Variants in CNTNAP4 observed in about 807,000 individuals in gnomAD.
The protein encoded by CNTNAP4 is contactin-associated protein-like 4.
Under a neutral mutation model 148.4 loss-of-function variants are expected in CNTNAP4, and 98 were observed. The observed-to-expected ratio is 0.66, with a 90% CI of 0.56 to 0.78. The LOEUF (loss-of-function observed/expected upper bound fraction) is 0.78. CNTNAP4 is among the 30% of genes least tolerant of loss of function. The pLI, the probability that CNTNAP4 is intolerant of heterozygous loss-of-function variation, is 0.00. For missense variants in CNTNAP4, 1,935 were observed against 1,565.6 expected (o/e 1.24, Z -3.98); for synonymous variants, 730 against 565.1 (o/e 1.29, Z -4.14).
chr16:76,558,854 A>G lies in CNTNAP4; in HGVS notation c.*171A>G, dbSNP rs2085306724. The stretch of plus-strand genomic sequence containing the variant: ...TCCAGGAAGCCTCGTCCAGTGATAT[A>G]TTTCTCATAGCATTCATTCTATGGA... On this transcript the variant is annotated 3_prime_UTR_variant, in exon 24 of 24. Transcript: ENST00000611870. 2.0e-6 allele frequency: 1 copy of G among 492,370 alleles called. No individual in the cohort carries two copies. The allele number at this position is 492,370 out of a possible 1,614,324, so 30.5% of individuals were successfully genotyped here. A position where few individuals can be genotyped will look rare whatever the true frequency, so the allele number is the denominator to read the frequency against.
At position 76,350,399 on chromosome 16, in the gene CNTNAP4, ATAAT is replaced by A. The variant is rs894626291; in HGVS notation, c.197-4915_197-4912del. 8.7e-4 allele frequency among the ~76,000 whole-genome samples: 132 copies of A among 152,316 alleles called. 1 individual carries two copies. Among genetic ancestry groups the A allele is most frequent in the Admixed American group, 1.8e-3 (28 of 15,290 alleles). ...TACTTCATCTCACTAGATAATTTTA[ATAAT>A]TAAGTTAATACAACGTATACAATTT... On this transcript the variant is annotated intron_variant, in intron 2 of 23. Coordinates refer to ENST00000611870, the MANE Select transcript of CNTNAP4 (RefSeq NM_033401.5).
At chr16:76,403,644 C>T (rs2078498101) in intron 3 of CNTNAP4, among the ~76,000 whole-genome samples, 2 of 152,082 alleles carry the variant, frequency 1.3e-5, no homozygotes, top group Non-Finnish European at 2.9e-5. Context: ...ATGGCAATTC[C>T]TCAAAGAGCT....
chr16:76,482,178 C>T (rs577599102), intron 12 of CNTNAP4, among the ~76,000 whole-genome samples: 1 of 151,986 alleles, frequency 6.6e-6, no homozygotes, highest in East Asian at 1.9e-4. Flanking sequence ...GATACAATTT[C>T]AGTATCTTAA....
At chr16:76,355,107 A>T (rs2012400642) in intron 2 of CNTNAP4, among the ~76,000 whole-genome samples, 1 of 152,188 alleles carries the variant, frequency 6.6e-6, no homozygotes, top group Non-Finnish European at 1.5e-5. Flanking sequence ...AAGGCTATAA[A>T]ATCTAGAAAT....
At chr16:76,424,894 C>T (rs891215758) in intron 3 of CNTNAP4, among the ~76,000 whole-genome samples, 3 of 152,144 alleles carry the variant, frequency 2.0e-5, no homozygotes, top group Non-Finnish European at 2.9e-5. Flanking sequence ...AAACATTGCC[C>T]TATATCAGCC....
intron 12 of CNTNAP4, among the ~76,000 whole-genome samples, chr16:76,489,442 T>C (rs1315555777): frequency 6.6e-6 from 1 of 152,184 alleles, no homozygotes; most frequent in Non-Finnish European, 1.5e-5. Context: ...GGCTAAATTA[T>C]ATGAAAATGT....
At chr16:76,377,100 T>G (rs572722140) in intron 3 of CNTNAP4, among the ~76,000 whole-genome samples, 1 of 152,120 alleles carries the variant, frequency 6.6e-6, no homozygotes, top group East Asian at 1.9e-4. Context: ...GCAGTTTAAG[T>G]CCAAAGGCAG....
intron 3 of CNTNAP4, among the ~76,000 whole-genome samples, chr16:76,413,073 T>C (rs796070203): frequency 5.9e-5 from 9 of 151,530 alleles, no homozygotes; most frequent in African/African-American, 2.2e-4. Context: ...GATGGGGTTA[T>C]CCATTCCCTC....
chr16:76,410,400 C>A (rs962960117), intron 3 of CNTNAP4, among the ~76,000 whole-genome samples: 10 of 151,672 alleles, frequency 6.6e-5, no homozygotes, highest in Non-Finnish European at 1.3e-4. Flanking sequence ...TTTCTCTGTT[C>A]TTGTTTCATT....
At chr16:76,453,034 C>T (rs1167995521) in intron 8 of CNTNAP4, among the ~76,000 whole-genome samples, 1 of 152,090 alleles carries the variant, frequency 6.6e-6, no homozygotes, top group African/African-American at 2.4e-5. Flanking sequence ...CCACTCCAGA[C>T]AAAGAACATA....
At chr16:76,416,033 C>CTT (rs1370837474) in intron 3 of CNTNAP4, among the ~76,000 whole-genome samples, 1 of 150,140 alleles carries the variant, frequency 6.7e-6, no homozygotes, top group Non-Finnish European at 1.5e-5. Context: ...CCCCTAATGT[C>CTT]TTAACTTCTA....
At chr16:76,441,453 A>G (rs553406198) in intron 4 of CNTNAP4, among the ~76,000 whole-genome samples, 92 of 152,290 alleles carry the variant, frequency 6.0e-4, no homozygotes, top group Non-Finnish European at 8.1e-4. Context: ...CACAGGGAGA[A>G]TTGATATGAG....
At chr16:76,413,207 T>G (rs1258802425) in intron 3 of CNTNAP4, among the ~76,000 whole-genome samples, 1 of 151,358 alleles carries the variant, frequency 6.6e-6, no homozygotes, top group Non-Finnish European at 1.5e-5. Flanking sequence ...AGTCATTCTT[T>G]CTGTTTGTTT....
chr16:76,295,891 C>T (rs768189673), intron 1 of CNTNAP4, among the ~76,000 whole-genome samples: 3 of 152,144 alleles, frequency 2.0e-5, no homozygotes, highest in Admixed American at 1.3e-4. Flanking sequence ...AATCTCAGCT[C>T]ACTGCAGCCT....
intron 3 of CNTNAP4, among the ~76,000 whole-genome samples, chr16:76,368,673 G>C (rs997828241): frequency 6.6e-6 from 1 of 152,038 alleles, no homozygotes; most frequent in African/African-American, 2.4e-5. Context: ...GGCCTGTTGT[G>C]GGGTAAGGGG....
Position 76,559,777 on chromosome 16 carries a change from C to A in CNTNAP4, c.*1094C>A, listed in dbSNP as rs1212798003. Reference sequence around the variant, plus strand: ...CCCATTTCCCATTCTGAAACATATACCCCTTTAGGTGTACATTTTGCTGTG... The same window carrying A: ...CCCATTTCCCATTCTGAAACATATAACCCTTTAGGTGTACATTTTGCTGTG... On this transcript the variant is annotated 3_prime_UTR_variant, in exon 24 of 24. Coordinates refer to ENST00000611870, the MANE Select transcript of CNTNAP4 (RefSeq NM_033401.5). 1.3e-5 allele frequency among the ~76,000 whole-genome samples: 2 copies of A among 152,012 alleles called. No individual in the cohort carries two copies. The highest frequency in any genetic ancestry group is 2.1e-4 in the South Asian group (1 of 4,818).
At chr16:76,420,782 C>G (rs574853582) in intron 3 of CNTNAP4, among the ~76,000 whole-genome samples, 10 of 152,108 alleles carry the variant, frequency 6.6e-5, no homozygotes, top group African/African-American at 2.4e-4. Flanking sequence ...GGGCTCACCT[C>G]TTTGGGTTTT....
chr16:76,476,635 T>G lies in CNTNAP4; in HGVS notation c.1762+590T>G, dbSNP rs151252718. Among the ~76,000 whole-genome samples the G allele has an allele frequency of 1.1e-3, 165 of 152,244 alleles. 2 individuals are homozygous for G. The East Asian group carries it at 0.028, about 26-fold the overall frequency. ...AAGATGCCAGCAGATTAGGTGAGGG[T>G]GTGCTTCCTGGTTCATAGACTTCCA... is the stretch of plus-strand genomic sequence containing the variant. On this transcript the variant is annotated intron_variant, in intron 11 of 23. Coordinates refer to ENST00000611870, the MANE Select transcript of CNTNAP4 (RefSeq NM_033401.5).
intron 1 of CNTNAP4, 75 bp downstream of exon 1, chr16:76,277,822 G>A: frequency 1.1e-6 from 1 of 941,822 alleles, no homozygotes; most frequent in South Asian, 1.4e-5. Flanking sequence ...GTTTGATGAT[G>A]ATTATTTGCA....
Sources: allele counts gnomAD v4.1 joint callset (sites outside exome capture counted in the v4.1 genomes callset), GRCh38; gene constraint gnomAD v4.1.1; transcripts MANE v1.5; gene names NCBI Gene and HGNC (gene_info 2026-07-23, HGNC 2026-07-21).